Variants in CNOT1 observed in about 807,000 individuals in gnomAD.
CNOT1 encodes the protein CCR4-NOT transcription complex subunit 1, also known as CCR4-associated factor 1.
CNOT1 carries 15 observed loss-of-function variants against 273.8 expected under a neutral mutation model. The ratio of observed to expected loss-of-function variants is 0.05; its 90% CI spans 0.04 to 0.08. The LOEUF (loss-of-function observed/expected upper bound fraction) is 0.08. Among genes scored for constraint, CNOT1 ranks in the 10% least tolerant of loss-of-function variants. The probability of loss-of-function intolerance (pLI) is 1.00; values close to 1 mark genes in which losing one functional copy is unlikely to be tolerated. For synonymous variants in CNOT1, 1,022 were observed against 1,005.5 expected, an observed-to-expected ratio of 1.02 and a Z score of -0.31; for missense variants, 1,644 against 2,912.2, an observed-to-expected ratio of 0.56 and a Z score of 10.02.
intron 4 of CNOT1, 78 bp from the exon 5 acceptor site, chr16:58,587,491 A>C (rs532226728): frequency 6.3e-7 from 1 of 1,585,662 alleles, no homozygotes; most frequent in African/African-American, 1.3e-5. Flanking sequence ...TGTTTGCCCA[A>C]GGATGGCACT....
Position 58,530,270 on chromosome 16 carries a change from G to A in CNOT1, c.6255C>T (p.Thr2085=). Residue 2085 remains threonine (T), a synonymous_variant, in exon 43 of 49, where the codon ACC becomes ACT. Transcript: ENST00000317147. ...LAPFLRNVEL[T]KPMQILYKGT... is the part of the protein sequence containing the mutation. ...CCTTGTAGAGGATTTGCATAGGTTTGGTGAGTTCCACATTTCTAAGGAAAG... is the reference window on the plus strand; with the variant it reads ...CCTTGTAGAGGATTTGCATAGGTTTAGTGAGTTCCACATTTCTAAGGAAAG... The A allele has an allele frequency of 6.2e-7, 1 of 1,610,746 alleles. No individual in the cohort carries two copies. Among genetic ancestry groups the A allele is most frequent in the Non-Finnish European group, 8.5e-7 (1 of 1,177,728 alleles).
rs16960238 is a variant in CNOT1 at position 58,547,372 on chromosome 16, T to C, written c.3640-76A>G. On this transcript the variant is annotated intron_variant, in intron 26 of 48. Transcript: ENST00000317147. The surrounding 1 kb of genome is among the most constrained non-coding windows in gnomAD (Gnocchi z 4.0). ...GTATAACAAAACCAAAGAAAAGTAT[T>C]TTGCCAAGCTTATCCCCAAAACAGG... 4.7e-4 allele frequency: 737 copies of C among 1,580,598 alleles called. 4 individuals are homozygous for C. In the African/African-American group the frequency reaches 8.9e-3, roughly 19 times the overall value.
In CNOT1 at chr16:58,586,480, C is replaced by T. The variant is rs1424519954; in HGVS notation, c.637+65G>A. On this transcript the variant is annotated intron_variant, in intron 7 of 48. Transcript: ENST00000317147. ...GGTGAGGGGAGGGGAGGGGGGAATG[C>T]TTTTGTGATGTGTCTGTGGTCATCC... is the stretch of plus-strand genomic sequence containing the variant. The T allele has an allele frequency of 3.5e-5, 48 of 1,376,898 alleles. 3 individuals carry two copies. Among genetic ancestry groups the T allele is most frequent in the Admixed American group, 7.5e-5 (4 of 53,382 alleles). 85.3% of individuals were successfully genotyped at this position (1,376,898 alleles called of 1,614,324 possible).
intron 1 of CNOT1, among the ~76,000 whole-genome samples, chr16:58,606,379 A>AC (rs140443480): frequency 0.029 from 2,976 of 101,908 alleles, 91 homozygotes; most frequent in African/African-American, 0.11. Context: ...ATACAGTGAG[A>AC]CCCCGTCCCT....
intron 44 of CNOT1, among the ~76,000 whole-genome samples, 189 bp from the exon 45 acceptor site, chr16:58,526,327 T>C (rs2151894862): frequency 6.6e-6 from 1 of 152,006 alleles, no homozygotes; most frequent in Middle Eastern, 3.4e-3. Flanking sequence ...TGATAAAAAT[T>C]TCCCACTCTA....
intron 10 of CNOT1, 147 bp downstream of exon 10, chr16:58,582,646 G>A (rs1472061107): frequency 5.3e-6 from 3 of 564,044 alleles, no homozygotes; most frequent in East Asian, 2.9e-5. Context: ...ATTTAAATTT[G>A]GTTACGTACT....
chr16:58,538,214 G>T lies in CNOT1; in HGVS notation c.5188C>A (p.Leu1730Met). ...EYKYNVEAVE[L>M]LIRNHLVNMQ... ...TTAACCAAATGATTGCGAATTAGCAGCTCCACAGCCTCCACATTATATTTA... is the reference window on the plus strand; with the variant it reads ...TTAACCAAATGATTGCGAATTAGCATCTCCACAGCCTCCACATTATATTTA... The change falls in exon 37 of 49, where the codon CTG becomes ATG. Residue 1730 changes from leucine to methionine, a missense_variant. Coordinates refer to ENST00000317147, the MANE Select transcript of CNOT1 (RefSeq NM_016284.5). 6.7e-7 allele frequency: 1 copy of T among 1,493,808 alleles called. No homozygotes were observed. The highest frequency in any genetic ancestry group is 9.3e-7 in the Non-Finnish European group (1 of 1,070,042). The allele number at this position is 1,493,808 out of a possible 1,614,324, so 92.5% of individuals were successfully genotyped here.
chr16:58,521,137 G>A (rs770576698), intron 48 of CNOT1, 46 bp downstream of exon 48: 2 of 1,613,064 alleles, frequency 1.2e-6, no homozygotes, highest in East Asian at 4.5e-5. Context: ...ATGGTTTTCA[G>A]TCTCCAGTCT....
At chr16:58,543,094 T>A in intron 31 of CNOT1, 1 of 1,245,926 alleles carries the variant, frequency 8.0e-7, no homozygotes, top group Non-Finnish European at 1.0e-6. Flanking sequence ...CCCTGTCTCA[T>A]GAAACATTAA....
intron 1 of CNOT1, among the ~76,000 whole-genome samples, chr16:58,603,524 C>A (rs1456816415): frequency 4.6e-5 from 7 of 151,150 alleles, no homozygotes; most frequent in Non-Finnish European, 8.8e-5. Context: ...TAGAAAGAAG[C>A]CGAAGTCTTT....
In CNOT1 at chr16:58,587,815, A is replaced by G. The variant is rs753757209; in HGVS notation, c.274T>C (p.Ser92Pro). 4 of 1,613,970 alleles carry G rather than the reference A, an allele frequency of 2.5e-6. 1 individual carries two copies. The South Asian group carries it at 4.4e-5, about 18-fold the overall frequency. The change falls in exon 4 of 49, where the codon TCC becomes CCC. Residue 92 changes from serine (S) to proline (P), a missense_variant. Coordinates refer to ENST00000317147, the MANE Select transcript of CNOT1 (RefSeq NM_016284.5). ...ITKPNFISTL[S>P]YAIDNPLHYQ... Reference sequence around the variant, plus strand: ...TGCAATGGATTATCAATGGCATAGGACAGCGTCGAGATAAAATTTGGCTTT... The same window carrying G: ...TGCAATGGATTATCAATGGCATAGGGCAGCGTCGAGATAAAATTTGGCTTT...
At chr16:58,551,356 G>GT in intron 23 of CNOT1, 84 bp from the exon 24 acceptor site, 2 of 1,387,766 alleles carry the variant, frequency 1.4e-6, no homozygotes, top group South Asian at 1.4e-5. Context: ...CAGATTTAGT[G>GT]TTAAAAAATA....
chr16:58,624,204 G>A (rs961573681), intron 1 of CNOT1, among the ~76,000 whole-genome samples: 2 of 152,138 alleles, frequency 1.3e-5, no homozygotes, highest in African/African-American at 2.4e-5. Flanking sequence ...CTATCTTCAG[G>A]TACACCGTGT....
intron 6 of CNOT1, 136 bp from the exon 7 acceptor site, chr16:58,586,884 G>T: frequency 9.3e-7 from 1 of 1,071,518 alleles, no homozygotes; most frequent in Non-Finnish European, 1.3e-6. Context: ...TTCTCTAGCT[G>T]ACAGGTATAA....
chr16:58,548,284 T>G (rs1041505232), intron 25 of CNOT1, among the ~76,000 whole-genome samples: 1 of 152,138 alleles, frequency 6.6e-6, no homozygotes, highest in Admixed American at 6.5e-5. Flanking sequence ...CCGGTTACTG[T>G]TTTTCTAAGG....
chr16:58,595,419 T>TCAA (rs1169118041), intron 2 of CNOT1, among the ~76,000 whole-genome samples: 1 of 32,184 alleles, frequency 3.1e-5, no homozygotes, highest in Non-Finnish European at 5.6e-5. Context: ...TTTTTCCATC[T>TCAA]CAAAAAAAAA....
intron 40 of CNOT1, among the ~76,000 whole-genome samples, chr16:58,533,501 T>C (rs562422002): frequency 6.6e-6 from 1 of 152,290 alleles, no homozygotes; most frequent in African/African-American, 2.4e-5. Flanking sequence ...CCGGGCGCGG[T>C]GGCGGGTGCC....
At chr16:58,629,460 C>G (rs969809163) in intron 1 of CNOT1, among the ~76,000 whole-genome samples, 2 of 152,178 alleles carry the variant, frequency 1.3e-5, no homozygotes, top group Non-Finnish European at 2.9e-5. Context: ...CACCATGGGT[C>G]TCACCCCGCG....
At chr16:58,622,860 AAAG>A (rs1388228993) in intron 1 of CNOT1, among the ~76,000 whole-genome samples, 4 of 150,550 alleles carry the variant, frequency 2.7e-5, no homozygotes, top group East Asian at 3.9e-4. Flanking sequence ...AAAAAAAAAA[AAAG>A]AAAGAAAGAA....
Sources: allele counts gnomAD v4.1 joint callset (sites outside exome capture counted in the v4.1 genomes callset), GRCh38; gene constraint gnomAD v4.1.1; non-coding constraint Gnocchi (gnomAD v3.1); transcripts MANE v1.5; gene names NCBI Gene and HGNC (gene_info 2026-07-23, HGNC 2026-07-21).